The following PALM2AKAP2 variants were observed in gnomAD, a reference collection of about 807,000 sequenced individuals.
PALM2AKAP2 encodes PALM2-AKAP2 fusion protein.
Under a neutral mutation model 71.5 loss-of-function variants are expected in PALM2AKAP2, and 37 were observed. The ratio of observed to expected loss-of-function variants is 0.52; its 90% CI spans 0.40 to 0.68. The LOEUF is 0.68. PALM2AKAP2 is among the 30% of genes least tolerant of loss of function. PALM2AKAP2 has a pLI of 0.00. For synonymous variants in PALM2AKAP2, 468 were observed against 478.8 expected (o/e 0.98, Z 0.29); for missense variants, 1,224 against 1,191.8 (o/e 1.03, Z -0.40).
At chr9:109,664,896 C>A (rs531567022) in intron 1 of PALM2AKAP2, among the ~76,000 whole-genome samples, 1 of 152,240 alleles carries the variant, frequency 6.6e-6, no homozygotes, top group African/African-American at 2.4e-5. Context: ...CCTTTTTGCT[C>A]TTTTTTCTCT....
intron 1 of PALM2AKAP2, among the ~76,000 whole-genome samples, chr9:110,103,470 C>T (rs1835047702): frequency 6.6e-6 from 1 of 152,204 alleles, no homozygotes. Context: ...GAGAGCATGT[C>T]ACCTCTCACT....
intron 1 of PALM2AKAP2, among the ~76,000 whole-genome samples, chr9:110,088,450 A>G (rs1401201223): frequency 1.3e-5 from 2 of 152,238 alleles, no homozygotes; most frequent in Non-Finnish European, 2.9e-5. Context: ...GGGAGCAATC[A>G]GACATAATTT....
intron 6 of PALM2AKAP2, among the ~76,000 whole-genome samples, chr9:109,952,581 A>G (rs1564230712): frequency 6.6e-6 from 1 of 152,270 alleles, no homozygotes; most frequent in Admixed American, 6.5e-5. Context: ...AGGAAATGCA[A>G]GAACATCTTG....
At chr9:109,970,043 C>G (rs983871092) in intron 6 of PALM2AKAP2, among the ~76,000 whole-genome samples, 1 of 152,172 alleles carries the variant, frequency 6.6e-6, no homozygotes, top group Non-Finnish European at 1.5e-5. Flanking sequence ...TAGACCTTGC[C>G]TTTAGGGTCC....
intron 1 of PALM2AKAP2, among the ~76,000 whole-genome samples, chr9:109,657,041 T>C (rs1827317746): frequency 6.6e-6 from 1 of 152,262 alleles, no homozygotes; most frequent in South Asian, 2.1e-4. Flanking sequence ...TGAAGTTACA[T>C]TGCCTTGTGG....
At chr9:110,011,022 T>TATATAG (rs1303771979) in intron 6 of PALM2AKAP2, among the ~76,000 whole-genome samples, 28 of 132,102 alleles carry the variant, frequency 2.1e-4, no homozygotes, top group African/African-American at 7.9e-4. Context: ...AAAATATATA[T>TATATAG]ATATATATAT....
chr9:109,922,331 A>G (rs1830850510), intron 3 of PALM2AKAP2, among the ~76,000 whole-genome samples: 1 of 138,274 alleles, frequency 7.2e-6, no homozygotes, highest in Non-Finnish European at 1.5e-5. Context: ...CTGAGGTGGG[A>G]GGATTGCTTG....
At chr9:109,963,707 T>C (rs1273484168) in intron 6 of PALM2AKAP2, among the ~76,000 whole-genome samples, 2 of 152,196 alleles carry the variant, frequency 1.3e-5, no homozygotes, top group Non-Finnish European at 2.9e-5. Context: ...CCCCTGACTG[T>C]GCTTCACCTC....
chr9:109,867,648 C>T lies in PALM2AKAP2; in HGVS notation c.126+77C>T, dbSNP rs960627609. 1.0e-5 allele frequency: 15 copies of T among 1,494,956 alleles called. No homozygotes were observed. The East Asian group carries it at 1.7e-4, about 17-fold the overall frequency. The allele number at this position is 1,494,956 out of a possible 1,614,324, so 92.6% of individuals were successfully genotyped here. On this transcript the variant is annotated intron_variant, in intron 2 of 9. Transcript: ENST00000302798. ...CTCCGGAGAGCTGGGCAGTGCCTGCCCTGCCGTGAAGGCGCTGCCGCCAAC... is the reference window on the plus strand; with the variant it reads ...CTCCGGAGAGCTGGGCAGTGCCTGCTCTGCCGTGAAGGCGCTGCCGCCAAC...
intron 1 of PALM2AKAP2, among the ~76,000 whole-genome samples, chr9:109,772,652 T>G (rs1049328217): frequency 3.3e-5 from 5 of 152,244 alleles, no homozygotes; most frequent in African/African-American, 1.2e-4. Context: ...GGGAAATCAC[T>G]GGAGTGACTG....
intron 2 of PALM2AKAP2, among the ~76,000 whole-genome samples, chr9:109,873,308 C>T (rs1376830568): frequency 2.0e-5 from 3 of 151,996 alleles, no homozygotes; most frequent in African/African-American, 7.2e-5. Context: ...ACTAAAAATA[C>T]AAAAATTAGC....
At position 110,043,414 on chromosome 9, in the gene PALM2AKAP2, A is replaced by T. The variant is rs529779766; in HGVS notation, c.582+27375A>T. ...TTTTGTAAACTTCTGAATTCCAAAAATGAATTGCAGGTGCAAGTGTATAAA... is the reference window on the plus strand; with the variant it reads ...TTTTGTAAACTTCTGAATTCCAAAATTGAATTGCAGGTGCAAGTGTATAAA... On this transcript the variant is annotated intron_variant, in intron 7 of 9. Transcript: ENST00000302798. 3.3e-4 allele frequency among the ~76,000 whole-genome samples: 51 copies of T among 152,324 alleles called. 1 individual carries two copies. The South Asian group carries it at 0.011, about 32-fold the overall frequency.
intron 6 of PALM2AKAP2, among the ~76,000 whole-genome samples, chr9:109,989,616 T>A (rs1489605038): frequency 1.3e-5 from 2 of 152,218 alleles, no homozygotes; most frequent in Non-Finnish European, 2.9e-5. Context: ...AATACGTTAT[T>A]GTGGTAAGAG....
chr9:110,032,146 T>A (rs1833290065), intron 7 of PALM2AKAP2, among the ~76,000 whole-genome samples: 1 of 151,914 alleles, frequency 6.6e-6, no homozygotes, highest in Non-Finnish European at 1.5e-5. Flanking sequence ...GTTAAGAGAC[T>A]ACTGCACCCA....
intron 6 of PALM2AKAP2, among the ~76,000 whole-genome samples, chr9:109,989,371 G>A (rs1832436416): frequency 6.6e-6 from 1 of 152,166 alleles, no homozygotes. Context: ...AGAGGATGGT[G>A]CAGTAATTTC....
At chr9:109,821,150 G>A (rs1390671970) in intron 1 of PALM2AKAP2, among the ~76,000 whole-genome samples, 1 of 152,162 alleles carries the variant, frequency 6.6e-6, no homozygotes, top group Non-Finnish European at 1.5e-5. Context: ...GCAGCCTTGT[G>A]AGCTGCCAGG....
At chr9:110,089,543 A>T (rs1435250128) in intron 1 of PALM2AKAP2, among the ~76,000 whole-genome samples, 3 of 152,194 alleles carry the variant, frequency 2.0e-5, no homozygotes, top group Middle Eastern at 3.2e-3. Context: ...AATCTTAAAG[A>T]CAGGACAATG....
At chr9:109,769,919 G>A (rs908818403) in intron 1 of PALM2AKAP2, among the ~76,000 whole-genome samples, 2 of 152,122 alleles carry the variant, frequency 1.3e-5, no homozygotes, top group South Asian at 2.1e-4. Context: ...GGGAGATCGG[G>A]TGAAGGCTGT....
chr9:109,767,528 G>T lies in PALM2AKAP2; in HGVS notation c.6-12960G>T, dbSNP rs566989651. ...CTTCTTCCCTGCCTCATCCCTGGCA[G>T]CTGGAGTGACCTTTTAAAATGTAAA... On this transcript the variant is annotated intron_variant, in intron 1 of 6. Transcript: ENST00000374531. 5.9e-5 allele frequency among the ~76,000 whole-genome samples: 9 copies of T among 152,336 alleles called. No homozygotes were observed. In the South Asian group the frequency reaches 1.9e-3, roughly 32 times the overall value.
Sources: allele counts gnomAD v4.1 joint callset (sites outside exome capture counted in the v4.1 genomes callset), GRCh38; gene constraint gnomAD v4.1.1; transcripts MANE v1.5; gene names NCBI Gene and HGNC (gene_info 2026-07-23, HGNC 2026-07-21).